Variants in ZNF804A observed in about 807,000 individuals in gnomAD.
ZNF804A encodes the protein zinc finger protein 804A.
ZNF804A carries 2 observed loss-of-function variants against 16.5 expected under a neutral mutation model. The ratio of observed to expected loss-of-function variants is 0.12; its 90% confidence interval spans 0.05 to 0.38. The LOEUF is 0.38. Among genes scored for constraint, ZNF804A ranks in the 10% least tolerant of loss-of-function variants. The pLI, the probability that ZNF804A is intolerant of heterozygous loss-of-function variation, is 0.99. For missense variants in ZNF804A, 1,473 were observed against 1,390.7 expected (o/e 1.06, Z -0.94); for synonymous variants, 534 against 489.6 (o/e 1.09, Z -1.20).
chr2:184,632,242 A>G (rs909742774), intron 1 of ZNF804A, among the ~76,000 whole-genome samples: 1 of 152,122 alleles, frequency 6.6e-6, no homozygotes, highest in Admixed American at 6.5e-5. Flanking sequence ...AGTTTGAGTA[A>G]TCTTATCCAT....
chr2:184,818,825 A>C (rs1288351350), intron 1 of ZNF804A, among the ~76,000 whole-genome samples: 2 of 152,102 alleles, frequency 1.3e-5, no homozygotes, highest in Admixed American at 1.3e-4. Flanking sequence ...AGGGAGTTAC[A>C]AAATGGTAAG....
intron 1 of ZNF804A, among the ~76,000 whole-genome samples, chr2:184,861,965 C>T (rs1208959777): frequency 6.6e-6 from 1 of 152,148 alleles, no homozygotes; most frequent in East Asian, 1.9e-4. Flanking sequence ...ACTGTTTTTA[C>T]ATATATGTAA....
At position 184,936,629 on chromosome 2, in the gene ZNF804A, A is replaced by G. The variant is rs766166181; in HGVS notation, c.1233A>G (p.Ile411Met). Residue 411 changes from isoleucine (I) to methionine (M), a missense_variant, in exon 4 of 4, where the codon ATA becomes ATG. Transcript: ENST00000302277. ...PSNTEEVNIT[I>M]HKKTNFCKRQ... ...ATACTGAAGAGGTTAACATAACTAT[A>G]CATAAGAAAACAAATTTCTGCAAAA... The G allele has an allele frequency of 8.1e-6, 13 of 1,614,038 alleles. No homozygotes were observed. In the Admixed American group the frequency reaches 2.2e-4, roughly 27 times the overall value.
At chr2:184,641,046 C>G (rs971587006) in intron 1 of ZNF804A, among the ~76,000 whole-genome samples, 1 of 152,124 alleles carries the variant, frequency 6.6e-6, no homozygotes, top group Non-Finnish European at 1.5e-5. Flanking sequence ...CCTCCGCTTC[C>G]TGGGTTCAAG....
chr2:184,762,508 AT>A (rs745969823), intron 1 of ZNF804A, among the ~76,000 whole-genome samples: 29 of 151,974 alleles, frequency 1.9e-4, no homozygotes, highest in Non-Finnish European at 3.4e-4. Flanking sequence ...GTCTTTTTAA[AT>A]GGCAAATATT....
chr2:184,875,604 T>G (rs1357664174), intron 2 of ZNF804A, among the ~76,000 whole-genome samples: 1 of 152,110 alleles, frequency 6.6e-6, no homozygotes, highest in East Asian at 1.9e-4. Context: ...CTTCTGATAT[T>G]TCTTTATAGC....
At position 184,809,695 on chromosome 2, in the gene ZNF804A, G is replaced by A. The variant is rs1363130439; in HGVS notation, c.112-56674G>A. Among the ~76,000 whole-genome samples, 8 of 151,588 alleles carry A rather than the reference G, an allele frequency of 5.3e-5. No individual in the cohort carries two copies. The East Asian group carries it at 1.6e-3, about 29-fold the overall frequency. ...CTATGAGTGTTGGCTTTTTAAGGTG[G>A]GGGTCAAAAATGCTACAAAAAATTA... On this transcript the variant is annotated intron_variant, in intron 1 of 3. Transcript: ENST00000302277.
At chr2:184,871,155 A>G (rs987054884) in intron 2 of ZNF804A, among the ~76,000 whole-genome samples, 1 of 151,618 alleles carries the variant, frequency 6.6e-6, no homozygotes, top group Admixed American at 6.6e-5. Context: ...CTGAGTTCCT[A>G]TAAAGGATGA....
At chr2:184,863,086 C>G (rs1695823611) in intron 1 of ZNF804A, among the ~76,000 whole-genome samples, 1 of 152,148 alleles carries the variant, frequency 6.6e-6, no homozygotes, top group African/African-American at 2.4e-5. Context: ...TACAATAAAT[C>G]AAGATTGATC....
chr2:184,845,233 C>T (rs573069456), intron 1 of ZNF804A, among the ~76,000 whole-genome samples: 1 of 151,756 alleles, frequency 6.6e-6, no homozygotes, highest in Non-Finnish European at 1.5e-5. Context: ...TAATTTTTTT[C>T]TTCAGACTGT....
intron 1 of ZNF804A, among the ~76,000 whole-genome samples, chr2:184,844,174 A>ACC (rs141470485): frequency 2.1e-3 from 313 of 145,860 alleles, no homozygotes; most frequent in African/African-American, 6.1e-3. Flanking sequence ...TCCTAATTAT[A>ACC]CCCCCCCCCA....
intron 1 of ZNF804A, among the ~76,000 whole-genome samples, chr2:184,708,498 C>T (rs974800087): frequency 1.3e-5 from 2 of 152,054 alleles, no homozygotes; most frequent in African/African-American, 4.8e-5. Context: ...AAGCTGCACA[C>T]CTACAGCCTT....
intron 1 of ZNF804A, among the ~76,000 whole-genome samples, chr2:184,645,194 T>C (rs1160709107): frequency 1.3e-5 from 2 of 152,152 alleles, no homozygotes; most frequent in African/African-American, 2.4e-5. Context: ...GTTTCATTTG[T>C]ATTATCTGTC....
intron 1 of ZNF804A, among the ~76,000 whole-genome samples, chr2:184,798,071 C>T (rs924901220): frequency 6.7e-6 from 1 of 148,748 alleles, no homozygotes; most frequent in South Asian, 2.1e-4. Context: ...GGGCCCCAAT[C>T]CCTTCTCCCT....
rs80318482 is a variant in ZNF804A, at chr2:184,929,038, C to G, written c.256-4565C>G. Among the ~76,000 whole-genome samples, 280 of 152,182 alleles carry G rather than the reference C, an allele frequency of 1.8e-3. 1 individual carries two copies. The highest frequency in any genetic ancestry group is 6.4e-3 in the African/African-American group (267 of 41,498). On this transcript the variant is annotated intron_variant, in intron 2 of 3. Transcript: ENST00000302277. ...TTCATTTTTAGTTCTTATGAAGGTG[C>G]CTTTTTTGTGTAGATAAATTGTTAT...
chr2:184,807,774 C>A (rs1032110662), intron 1 of ZNF804A, among the ~76,000 whole-genome samples: 7 of 151,432 alleles, frequency 4.6e-5, no homozygotes, highest in African/African-American at 1.7e-4. Context: ...AATTAAGTTT[C>A]CAATACAGCA....
At chr2:184,760,271 C>T (rs548811539) in intron 1 of ZNF804A, among the ~76,000 whole-genome samples, 22 of 151,822 alleles carry the variant, frequency 1.4e-4, no homozygotes, top group Non-Finnish European at 2.4e-4. Context: ...TTTATTTGAA[C>T]GAATTTTAAA....
At position 184,699,558 on chromosome 2, in the gene ZNF804A, T is replaced by G. The variant is rs568847677; in HGVS notation, c.111+100488T>G. Among the ~76,000 whole-genome samples, 3 of 152,194 alleles carry G rather than the reference T, an allele frequency of 2.0e-5. No homozygotes were observed. In the East Asian group the frequency reaches 5.8e-4, roughly 29 times the overall value. On this transcript the variant is annotated intron_variant, in intron 1 of 3. Coordinates refer to ENST00000302277, the MANE Select transcript of ZNF804A (RefSeq NM_194250.2). ...TTCATATTCACAGTATGTAAGTAGT[T>G]CTAGCAGGGAACTCTGTGTGACACT... is the stretch of plus-strand genomic sequence containing the variant.
intron 1 of ZNF804A, among the ~76,000 whole-genome samples, chr2:184,856,656 A>C (rs1300892542): frequency 6.6e-6 from 1 of 152,140 alleles, no homozygotes; most frequent in Admixed American, 6.6e-5. Flanking sequence ...GAAGTGGCTG[A>C]GATAGTGACA....
Sources: allele counts gnomAD v4.1 joint callset (sites outside exome capture counted in the v4.1 genomes callset), GRCh38; gene constraint gnomAD v4.1.1; transcripts MANE v1.5; gene names NCBI Gene and HGNC (gene_info 2026-07-23, HGNC 2026-07-21).